The following FIG4 variants were observed in gnomAD, a reference collection of about 807,000 sequenced individuals.
The protein encoded by FIG4 is polyphosphoinositide phosphatase.
FIG4 carries 112 observed loss-of-function variants against 118.6 expected under a neutral mutation model. That is an observed-to-expected ratio of 0.94 (90% CI 0.81 to 1.11). The LOEUF is 1.11. Among genes scored for constraint, FIG4 ranks in the 50% least tolerant of loss-of-function variants. The probability of loss-of-function intolerance (pLI) is 0.00; values close to 1 mark genes in which losing one functional copy is unlikely to be tolerated. For synonymous variants in FIG4, 369 were observed against 381.2 expected, an observed-to-expected ratio of 0.97 and a Z score of 0.37; for missense variants, 969 against 1,111.7, an observed-to-expected ratio of 0.87 and a Z score of 1.83.
chr6:109,719,815 C>A (rs1205395176), intron 3 of FIG4, among the ~76,000 whole-genome samples: 1 of 152,048 alleles, frequency 6.6e-6, no homozygotes, highest in Admixed American at 6.6e-5. Flanking sequence ...CTTTGGTCAC[C>A]TTTTATTGTT....
intron 22 of FIG4, among the ~76,000 whole-genome samples, chr6:109,801,658 C>T (rs759526062): frequency 6.6e-6 from 1 of 152,112 alleles, no homozygotes; most frequent in South Asian, 2.1e-4. Context: ...GGTGAATGCC[C>T]CTCGGTGTGG....
intron 22 of FIG4, among the ~76,000 whole-genome samples, chr6:109,808,166 A>C (rs1169916817): frequency 6.6e-6 from 1 of 152,054 alleles, no homozygotes; most frequent in Non-Finnish European, 1.5e-5. Flanking sequence ...GCTGTCACCA[A>C]AGGAAGAAGA....
At chr6:109,790,238 C>T (rs1421154457) in intron 19 of FIG4, among the ~76,000 whole-genome samples, 2 of 152,198 alleles carry the variant, frequency 1.3e-5, no homozygotes, top group Admixed American at 1.3e-4. Flanking sequence ...TTCTTCTAGA[C>T]TCTGGCCACA....
chr6:109,786,385 T>C lies in FIG4; in HGVS notation c.2032T>C (p.Phe678Leu). 6.2e-7 allele frequency: 1 copy of C among 1,614,068 alleles called. No individual in the cohort carries two copies. The highest frequency in any genetic ancestry group is 8.5e-7 in the Non-Finnish European group (1 of 1,179,890). The change falls in exon 18 of 23, where the codon TTT becomes CTT. Residue 678 changes from phenylalanine to leucine, a missense_variant. Physicochemically the swap from Phe to Leu is conservative, Grantham distance 22. This residue lies in a region of FIG4 where 330 missense variants were observed against 348.1 expected (regional missense o/e 0.95). Coordinates refer to ENST00000230124, the MANE Select transcript of FIG4 (RefSeq NM_014845.6). Reference protein sequence around the residue: ...EEEIDIHNEFFRPYELSSFDD... With the variant: ...EEEIDIHNEFLRPYELSSFDD... ...AGAGATTGATATCCACAATGAGTTC[T>C]TTCGGCCATATGAGTTGAGCAGCTT... is the stretch of plus-strand genomic sequence containing the variant.
chr6:109,740,905 C>T (rs1449441732), intron 7 of FIG4, among the ~76,000 whole-genome samples: 1 of 152,046 alleles, frequency 6.6e-6, no homozygotes, highest in Non-Finnish European at 1.5e-5. Context: ...AGGGGAAGCA[C>T]GCATGTCTTC....
At chr6:109,783,198 A>T (rs1777855360) in intron 16 of FIG4, among the ~76,000 whole-genome samples, 1 of 152,246 alleles carries the variant, frequency 6.6e-6, no homozygotes, top group South Asian at 2.1e-4. Flanking sequence ...TGATCTGTGC[A>T]GCAAACCACT....
Position 109,691,309 on chromosome 6 carries a change from T to C in FIG4, c.-127T>C. On this transcript the variant is annotated 5_prime_UTR_variant, in exon 1 of 23. Coordinates refer to ENST00000230124, the MANE Select transcript of FIG4 (RefSeq NM_014845.6). ...CCGGAAACACCTGATCATCTATAGG[T>C]TTAGTGCCTAATGGGTGTTGTTCCT... 1 of 778,956 alleles carries C rather than the reference T, an allele frequency of 1.3e-6. No homozygotes were observed. The highest frequency in any genetic ancestry group is 2.7e-5 in the East Asian group (1 of 37,416). 48.3% of individuals were successfully genotyped at this position (778,956 alleles called of 1,614,324 possible). A position where few individuals can be genotyped will look rare whatever the true frequency, so the allele number is the denominator to read the frequency against.
chr6:109,747,190 G>T (rs1352873296), intron 10 of FIG4, among the ~76,000 whole-genome samples: 5 of 152,098 alleles, frequency 3.3e-5, no homozygotes, highest in Non-Finnish European at 5.9e-5. Context: ...CAGAGGAGAG[G>T]TCTAGGCCCA....
In FIG4 at chr6:109,824,413, G is replaced by A. The variant is rs563028407; in HGVS notation, c.2547-675G>A. Reference sequence around the variant, plus strand: ...ACATTAATATTCACGGGAAGTGGGGGTGATTATTGTCAGCTCATTAGGATG... The same window carrying A: ...ACATTAATATTCACGGGAAGTGGGGATGATTATTGTCAGCTCATTAGGATG... On this transcript the variant is annotated intron_variant, in intron 22 of 22. Transcript: ENST00000230124. Among the ~76,000 whole-genome samples, 77 of 152,304 alleles carry A rather than the reference G, an allele frequency of 5.1e-4. 1 individual carries two copies. Among genetic ancestry groups the A allele is most frequent in the Non-Finnish European group, 4.4e-4 (30 of 68,036 alleles).
chr6:109,825,202 G>A lies in FIG4; in HGVS notation c.2661G>A (p.Met887Ile), dbSNP rs746295268. ...QAHIQASQGI[M>I]QPLGKEDSSM... is the part of the protein sequence containing the mutation. ...ACATCCAGGCCAGCCAAGGTATCAT[G>A]CAGCCCCTAGGAAAAGAGGACTCCT... is the stretch of plus-strand genomic sequence containing the variant. Residue 887 changes from methionine to isoleucine, a missense_variant, in exon 23 of 23, where the codon ATG (methionine) becomes ATA (isoleucine). This residue lies in a region of FIG4 where 330 missense variants were observed against 348.1 expected (regional missense o/e 0.95). Coordinates refer to ENST00000230124, the MANE Select transcript of FIG4 (RefSeq NM_014845.6). 6.2e-6 allele frequency: 10 copies of A among 1,614,078 alleles called. No homozygotes were observed. In the South Asian group the frequency reaches 1.1e-4, roughly 18 times the overall value.
At chr6:109,757,508 A>T (rs2128390336) in intron 10 of FIG4, among the ~76,000 whole-genome samples, 1 of 152,344 alleles carries the variant, frequency 6.6e-6, no homozygotes, top group East Asian at 1.9e-4. Flanking sequence ...CCAATATCAT[A>T]CTGAATGGGC....
chr6:109,797,385 ACCTACTTTGTAGGACAGTGAT>A lies in FIG4; in HGVS notation c.2546+535_2546+555del, dbSNP rs1370314223. ...CTCATCTGCAAAAGGGAATAATAAC[ACCTACTTTGTAGGACAGTGAT>A]GAGACTCAAATGAAATAATGTACAC... is the stretch of plus-strand genomic sequence containing the variant. On this transcript the variant is annotated intron_variant, in intron 22 of 22. Coordinates refer to ENST00000230124, the MANE Select transcript of FIG4 (RefSeq NM_014845.6). 2.0e-5 allele frequency among the ~76,000 whole-genome samples: 3 copies of A among 152,204 alleles called. No individual in the cohort carries two copies. The East Asian group carries it at 5.8e-4, about 29-fold the overall frequency.
At chr6:109,731,887 T>C (rs1019080135) in intron 4 of FIG4, among the ~76,000 whole-genome samples, 4 of 152,118 alleles carry the variant, frequency 2.6e-5, no homozygotes, top group African/African-American at 9.7e-5. Flanking sequence ...TCAACGTAAC[T>C]AGGTTTCAAA....
chr6:109,754,280 G>C (rs1201115108), intron 10 of FIG4, among the ~76,000 whole-genome samples: 4 of 152,114 alleles, frequency 2.6e-5, no homozygotes, highest in Non-Finnish European at 5.9e-5. Flanking sequence ...TTGCATCCCA[G>C]GGATGAAGCC....
At chr6:109,739,182 C>A (rs903395511) in intron 7 of FIG4, among the ~76,000 whole-genome samples, 2 of 151,984 alleles carry the variant, frequency 1.3e-5, no homozygotes, top group African/African-American at 4.8e-5. Flanking sequence ...GGCAAGAGGG[C>A]AAAATAGATT....
At chr6:109,760,424 T>A in intron 11 of FIG4, 41 bp downstream of exon 11, 2 of 1,571,336 alleles carry the variant, frequency 1.3e-6, no homozygotes, top group Non-Finnish European at 1.7e-6. Flanking sequence ...CGTTTCCTTT[T>A]CTTGTGATGA....
intron 3 of FIG4, among the ~76,000 whole-genome samples, chr6:109,721,095 T>A (rs1321538256): frequency 6.6e-6 from 1 of 152,154 alleles, no homozygotes; most frequent in Non-Finnish European, 1.5e-5. Flanking sequence ...GCCTCTAGTA[T>A]GTTGAAGGGG....
rs764559318 is a variant in FIG4, at chr6:109,738,347, G to A, written c.669G>A (p.Glu223=). 8.7e-6 allele frequency: 14 copies of A among 1,607,774 alleles called. No homozygotes were observed. In the African/African-American group the frequency reaches 1.3e-4, roughly 15 times the overall value. Residue 223 remains glutamate (E), a synonymous_variant, in exon 7 of 23, where the codon GAG becomes GAA. Coordinates refer to ENST00000230124, the MANE Select transcript of FIG4 (RefSeq NM_014845.6). The part of the protein sequence containing the change: ...GGSGVFGICS[E]PYMKYVWNGE... ...CAGGGGTATTTGGGATCTGTAGTGAGCCTTATATGAAATATGTATGGAATG... is the reference window on the plus strand; with the variant it reads ...CAGGGGTATTTGGGATCTGTAGTGAACCTTATATGAAATATGTATGGAATG...
At chr6:109,822,787 G>GTATATATATATATA (rs10523453) in intron 22 of FIG4, among the ~76,000 whole-genome samples, 23 of 120,418 alleles carry the variant, frequency 1.9e-4, no homozygotes, top group South Asian at 2.4e-4. Context: ...GTGTGTGTAT[G>GTATATATATATATA]TATATATATA....
Sources: allele counts gnomAD v4.1 joint callset (sites outside exome capture counted in the v4.1 genomes callset), GRCh38; gene constraint gnomAD v4.1.1; regional missense constraint gnomAD v4.1.1; transcripts MANE v1.5; gene names NCBI Gene and HGNC (gene_info 2026-07-23, HGNC 2026-07-21).